Variants in ATM observed in about 807,000 individuals in gnomAD.
The protein encoded by ATM is ATM serine/threonine kinase.
Under a neutral mutation model 387.0 loss-of-function variants are expected in ATM, and 308 were observed. The observed-to-expected ratio is 0.80, with a 90% CI of 0.73 to 0.87. The LOEUF (loss-of-function observed/expected upper bound fraction) is 0.87. Among genes scored for constraint, ATM ranks in the 40% least tolerant of loss-of-function variants. The probability of loss-of-function intolerance (pLI) is 0.00; values close to 1 mark genes in which losing one functional copy is unlikely to be tolerated. For synonymous variants in ATM, 1,156 were observed against 1,187.3 expected (o/e 0.97, Z 0.54); for missense variants, 3,312 against 3,560.9 (o/e 0.93, Z 1.78).
intron 37 of ATM, among the ~76,000 whole-genome samples, chr11:108,306,608 A>G (rs968913305): frequency 2.6e-5 from 4 of 152,186 alleles, no homozygotes; most frequent in Non-Finnish European, 4.4e-5. Context: ...TTTTATCTGT[A>G]TACAGTGCCA....
intron 39 of ATM, among the ~76,000 whole-genome samples, chr11:108,311,138 T>A (rs1461569440): frequency 1.3e-5 from 2 of 152,056 alleles, no homozygotes; most frequent in African/African-American, 4.8e-5. Flanking sequence ...AACTCATTTT[T>A]TTTAATTTTT....
chr11:108,305,656 A>C lies in ATM; in HGVS notation c.5674+804A>C, dbSNP rs1353721856. Among the ~76,000 whole-genome samples, 4 of 152,314 alleles carry C rather than the reference A, an allele frequency of 2.6e-5. No individual in the cohort carries two copies. The East Asian group carries it at 5.8e-4, about 22-fold the overall frequency. ...TATATCCTTCTAATTGTTTAAAACAAAAATTGAACTGTACTTTATTTACTC... is the reference window on the plus strand; with the variant it reads ...TATATCCTTCTAATTGTTTAAAACACAAATTGAACTGTACTTTATTTACTC... On this transcript the variant is annotated intron_variant, in intron 37 of 62. Coordinates refer to ENST00000675843, the MANE Select transcript of ATM (RefSeq NM_000051.4).
chr11:108,310,305 C>A lies in ATM; in HGVS notation c.5908C>A (p.Gln1970Lys). The A allele has an allele frequency of 6.2e-7, 1 of 1,612,804 alleles. No individual in the cohort carries two copies. Among genetic ancestry groups the A allele is most frequent in the South Asian group, 1.1e-5 (1 of 91,014 alleles). The change falls in exon 39 of 63, where the codon CAA (glutamine) becomes AAA (lysine). Residue 1970 changes from glutamine to lysine, a missense_variant. By Grantham distance (53) the Gln-to-Lys change is moderately conservative. Coordinates refer to ENST00000675843, the MANE Select transcript of ATM (RefSeq NM_000051.4). ...TGCAGATAAGAAAAGTATGGATGATCAAGAGAAAAGGTAATGGAATTTAGA... is the reference window on the plus strand; with the variant it reads ...TGCAGATAAGAAAAGTATGGATGATAAAGAGAAAAGGTAATGGAATTTAGA... ...IYADKKSMDD[Q>K]EKRSLAFEEG...
intron 5 of ATM, among the ~76,000 whole-genome samples, chr11:108,242,197 A>G (rs927367031): frequency 2.6e-5 from 4 of 152,208 alleles, no homozygotes; most frequent in Non-Finnish European, 5.9e-5. Flanking sequence ...TGCAGATCCT[A>G]TAGATATTCA....
intron 33 of ATM, among the ~76,000 whole-genome samples, chr11:108,298,316 A>G (rs996127088): frequency 1.3e-5 from 2 of 152,242 alleles, no homozygotes; most frequent in African/African-American, 4.8e-5. Context: ...TTAGGAGCCT[A>G]ATATCTACAG....
At chr11:108,361,640 G>A (rs1388748365) in intron 61 of ATM, among the ~76,000 whole-genome samples, 4 of 151,492 alleles carry the variant, frequency 2.6e-5, no homozygotes, top group East Asian at 2.0e-4. Flanking sequence ...TAGAAATAAC[G>A]CCGCATGTCT....
At chr11:108,273,328 A>ATTTTTTTTTTT (rs2081718897) in intron 22 of ATM, among the ~76,000 whole-genome samples, 1 of 106,404 alleles carries the variant, frequency 9.4e-6, no homozygotes. Flanking sequence ...TATTAATTTC[A>ATTTTTTTTTTT]TTCTTTTTTT....
In ATM at chr11:108,331,427, CT is replaced by C. The variant is rs573494809; in HGVS notation, c.7516-9del. 43 of 1,598,070 alleles carry C rather than the reference CT, an allele frequency of 2.7e-5. No homozygotes were observed. Among genetic ancestry groups the C allele is most frequent in the South Asian group, 8.9e-5 (8 of 89,608 alleles). ...AATACCTTGTTTCTTAATTTTGTGTCTTTTTTTTAATGGTAGAGAGACGGAA... is the reference window on the plus strand; with the variant it reads ...AATACCTTGTTTCTTAATTTTGTGTCTTTTTTTAATGGTAGAGAGACGGAA... On this transcript the variant is annotated splice_polypyrimidine_tract_variant and intron_variant, in intron 50 of 62. Transcript: ENST00000675843.
At chr11:108,293,894 A>AATATATATATATATATATATAT (rs1220002313) in intron 31 of ATM, among the ~76,000 whole-genome samples, 6 of 83,676 alleles carry the variant, frequency 7.2e-5, no homozygotes, top group African/African-American at 2.5e-4. Flanking sequence ...AAAAAAAAAA[A>AATATATATATATATATATATAT]ATATATATAT....
chr11:108,314,982 A>G (rs746965297), intron 40 of ATM, among the ~76,000 whole-genome samples: 2 of 152,192 alleles, frequency 1.3e-5, no homozygotes, highest in Non-Finnish European at 1.5e-5. Context: ...GTATCAAACA[A>G]TTCACCTTTT....
chr11:108,244,436 GA>G, intron 6 of ATM, among the ~76,000 whole-genome samples: 1 of 152,090 alleles, frequency 6.6e-6, no homozygotes, highest in Non-Finnish European at 1.5e-5. Flanking sequence ...AATAAAATAG[GA>G]AAATATTTTG....
At position 108,356,930 on chromosome 11, in the gene ATM, C is replaced by T. The variant is rs935045322; in HGVS notation, c.8850+2056C>T. On this transcript the variant is annotated intron_variant, in intron 61 of 62. Transcript: ENST00000675843. ...AACTGTCACCTTTAAACACACCCTC[C>T]GGGAGGAGGAGCCAAGATGGCCGAA... 6.6e-5 allele frequency among the ~76,000 whole-genome samples: 10 copies of T among 152,086 alleles called. 1 individual carries two copies. Among genetic ancestry groups the T allele is most frequent in the South Asian group, 4.1e-4 (2 of 4,826 alleles).
rs2135929441 is a variant in ATM, at chr11:108,302,954, G to C, written c.5421G>C (p.Lys1807Asn). ...GTGAAAATCATGACATTTGGATAAA[G>C]ACACTGACTTGTGCTTTTTTGGACA... ...PLSENHDIWI[K>N]TLTCAFLDSG... The change falls in exon 36 of 63, where the codon AAG (lysine) becomes AAC (asparagine). Residue 1807 changes from lysine to asparagine, a missense_variant. Physicochemically the swap from Lys to Asn is moderately conservative, Grantham distance 94 (BLOSUM62 0). Transcript: ENST00000675843. The C allele has an allele frequency of 1.9e-6, 3 of 1,613,472 alleles. No individual in the cohort carries two copies. Among genetic ancestry groups the C allele is most frequent in the Non-Finnish European group, 2.5e-6 (3 of 1,179,516 alleles).
chr11:108,248,685 T>TC (rs998638264), intron 8 of ATM, among the ~76,000 whole-genome samples: 1 of 151,938 alleles, frequency 6.6e-6, no homozygotes, highest in Non-Finnish European at 1.5e-5. Flanking sequence ...GGTTGGGAGT[T>TC]CAAGACCAGT....
At chr11:108,344,593 A>C (rs1369010996) in intron 57 of ATM, among the ~76,000 whole-genome samples, 1 of 152,274 alleles carries the variant, frequency 6.6e-6, no homozygotes, top group South Asian at 2.1e-4. Context: ...TTGAGAATGC[A>C]AACTGGAGGC....
At chr11:108,270,560 G>A (rs1203014690) in intron 18 of ATM, among the ~76,000 whole-genome samples, 2 of 152,128 alleles carry the variant, frequency 1.3e-5, no homozygotes, top group Non-Finnish European at 2.9e-5. Context: ...TACCAGAAAA[G>A]TTAAGGCTGT....
chr11:108,233,622 GAAAGAT>G (rs2079127828), intron 4 of ATM, among the ~76,000 whole-genome samples: 1 of 142,840 alleles, frequency 7.0e-6, no homozygotes, highest in South Asian at 2.3e-4. Context: ...GTACTTTTAA[GAAAGAT>G]TTGATCCCAG....
Position 108,332,832 on chromosome 11 carries a change from T to C in ATM, c.7859T>C (p.Val2620Ala). The C allele has an allele frequency of 1.2e-6, 2 of 1,613,296 alleles. No homozygotes were observed. The highest frequency in any genetic ancestry group is 1.1e-5 in the South Asian group (1 of 91,072). Residue 2620 changes from valine to alanine, a missense_variant, in exon 53 of 63, where the codon GTT (valine) becomes GCT (alanine). Physicochemically the swap from Val to Ala is moderately conservative, Grantham distance 64. Around this residue, in one of 4 missense-constraint regions of ATM, gnomAD observed 1,405 missense variants for 1,604.4 expected, o/e 0.88. Transcript: ENST00000675843. ...RSRRPQMVRS[V>A]EALCDAYIIL... The stretch of plus-strand genomic sequence containing the variant: ...AGGAGACCTCAGATGGTCAGAAGTG[T>C]TGAGGCACTTTGTGATGCTTATATT...
At position 108,244,983 on chromosome 11, in the gene ATM, A is replaced by C; in HGVS notation, c.858A>C (p.Gln286His). The C allele has an allele frequency of 6.2e-7, 1 of 1,612,508 alleles. No individual in the cohort carries two copies. The highest frequency in any genetic ancestry group is 2.2e-5 in the East Asian group (1 of 44,814). ...KEVIIELFQL[Q>H]IYIHHPKGAK... ...TCATTATTGAATTATTTCAACTGCA[A>C]ATTTATATCCATCATCCGAAAGGAG... Residue 286 changes from glutamine to histidine, a missense_variant, in exon 7 of 63, where the codon CAA (glutamine) becomes CAC (histidine). Around this residue, in one of 4 missense-constraint regions of ATM, gnomAD observed 1,791 missense variants for 1,804.5 expected, o/e 0.99. Coordinates refer to ENST00000675843, the MANE Select transcript of ATM (RefSeq NM_000051.4).
Sources: allele counts gnomAD v4.1 joint callset (sites outside exome capture counted in the v4.1 genomes callset), GRCh38; gene constraint gnomAD v4.1.1; regional missense constraint gnomAD v4.1.1; transcripts MANE v1.5; gene names NCBI Gene and HGNC (gene_info 2026-07-23, HGNC 2026-07-21).